GSE1: variants seen among roughly 807,000 people sequenced by gnomAD.
The protein encoded by GSE1 is Gse1 coiled-coil protein, also known as genetic suppressor element 1.
GSE1 carries 32 observed loss-of-function variants against 112.6 expected under a neutral mutation model. The observed-to-expected ratio is 0.28, with a 90% CI of 0.21 to 0.38. GSE1 has a LOEUF of 0.38. GSE1 is among the 10% of genes least tolerant of loss of function. The pLI, the probability that GSE1 is intolerant of heterozygous loss-of-function variation, is 1.00. For synonymous variants in GSE1, 1,115 were observed against 735.6 expected (o/e 1.52, Z -8.35); for missense variants, 2,348 against 1,699.2 (o/e 1.38, Z -6.71).
chr16:85,645,517 A>T lies in GSE1; in HGVS notation c.227-3035A>T, dbSNP rs532075117. ...GGGACAGGGCAGCTGCCCCACCCCA[A>T]GGGAGCACCTTTGGGAGAGCAAAGT... On this transcript the variant is annotated intron_variant, in intron 2 of 15. Transcript: ENST00000253458. Among the ~76,000 whole-genome samples, 313 of 152,294 alleles carry T rather than the reference A, an allele frequency of 2.1e-3. 1 individual carries two copies. The highest frequency in any genetic ancestry group is 7.2e-3 in the African/African-American group (301 of 41,570).
At chr16:85,191,095 C>G (rs1031883354) in intron 1 of GSE1, among the ~76,000 whole-genome samples, 13 of 152,294 alleles carry the variant, frequency 8.5e-5, no homozygotes, top group African/African-American at 3.1e-4. Flanking sequence ...CCTGTCTCTA[C>G]TAAAAATACA....
At chr16:85,380,516 C>CA (rs397803752) in intron 2 of GSE1, among the ~76,000 whole-genome samples, 1 of 151,908 alleles carries the variant, frequency 6.6e-6, no homozygotes, top group African/African-American at 2.4e-5. Context: ...GACACCCCCC[C>CA]TCCACCCGCC....
intron 2 of GSE1, among the ~76,000 whole-genome samples, chr16:85,393,096 C>T (rs1487917677): frequency 2.0e-5 from 3 of 152,340 alleles, no homozygotes; most frequent in African/African-American, 7.2e-5. Context: ...CAGGCAGCTG[C>T]CTCTTGGAGG....
At chr16:85,476,730 T>C (rs1851048816) in intron 2 of GSE1, among the ~76,000 whole-genome samples, 1 of 151,236 alleles carries the variant, frequency 6.6e-6, no homozygotes, top group African/African-American at 2.4e-5. Context: ...CACCGCAGCC[T>C]CCCCAGTAGC....
intron 2 of GSE1, among the ~76,000 whole-genome samples, chr16:85,410,471 ATAATGCTCACTGTTACACTCAGGGC>A (rs1467148042): frequency 1.1e-4 from 1 of 9,006 alleles, no homozygotes; most frequent in African/African-American, 3.3e-4. Flanking sequence ...GCCCCCCTGG[ATAATGCTCACTGTTACACTCAGGGC>A]CCCCCGGATA....
intron 1 of GSE1, among the ~76,000 whole-genome samples, chr16:85,205,471 A>G (rs2075099526): frequency 6.6e-6 from 1 of 152,178 alleles, no homozygotes; most frequent in Non-Finnish European, 1.5e-5. Flanking sequence ...AAGTGCAGAG[A>G]GGTTAGACCA....
chr16:85,628,772 A>ATT (rs2049285927), intron 1 of GSE1, among the ~76,000 whole-genome samples: 1 of 152,224 alleles, frequency 6.6e-6, no homozygotes, highest in Non-Finnish European at 1.5e-5. Flanking sequence ...AAAGTGAAAG[A>ATT]CATAGCTCTT....
intron 1 of GSE1, among the ~76,000 whole-genome samples, chr16:85,564,210 G>T (rs1480816846): frequency 2.0e-5 from 3 of 152,232 alleles, no homozygotes; most frequent in Non-Finnish European, 4.4e-5. Context: ...GGCACTAAAA[G>T]CAGGCTTTGG....
chr16:85,356,027 A>C (rs184676548), intron 1 of GSE1, among the ~76,000 whole-genome samples: 3 of 152,318 alleles, frequency 2.0e-5, no homozygotes, highest in African/African-American at 7.2e-5. Context: ...ACTCCATCTC[A>C]AAATAAAATA....
intron 2 of GSE1, among the ~76,000 whole-genome samples, chr16:85,476,774 ATT>A (rs549006723): frequency 7.8e-5 from 10 of 127,492 alleles, no homozygotes; most frequent in Admixed American, 7.8e-5. Context: ...ACGCCTGACC[ATT>A]TTTTTTTTTT....
intron 2 of GSE1, among the ~76,000 whole-genome samples, chr16:85,481,998 A>G (rs970169567): frequency 2.6e-5 from 4 of 152,226 alleles, no homozygotes; most frequent in Non-Finnish European, 4.4e-5. Flanking sequence ...CGCCGGGACT[A>G]CGCCCCTTGC....
At chr16:85,310,072 C>G (rs570202439) in intron 1 of GSE1, among the ~76,000 whole-genome samples, 1 of 152,328 alleles carries the variant, frequency 6.6e-6, no homozygotes, top group East Asian at 1.9e-4. Context: ...CAGGCATAAG[C>G]CACTTAGCAC....
At chr16:85,470,106 G>T (rs2050240580) in intron 2 of GSE1, among the ~76,000 whole-genome samples, 1 of 152,240 alleles carries the variant, frequency 6.6e-6, no homozygotes, top group African/African-American at 2.4e-5. Flanking sequence ...GGGTGCGGGA[G>T]CCCCCATCCA....
intron 2 of GSE1, among the ~76,000 whole-genome samples, chr16:85,495,695 CTGTGT>C (rs1344271598): frequency 2.0e-5 from 3 of 152,202 alleles, no homozygotes; most frequent in African/African-American, 7.2e-5. Flanking sequence ...TGGGGTTTCA[CTGTGT>C]TGGCCAGGCT....
intron 2 of GSE1, among the ~76,000 whole-genome samples, chr16:85,372,155 C>A (rs2047314832): frequency 6.6e-6 from 1 of 152,152 alleles, no homozygotes; most frequent in South Asian, 2.1e-4. Context: ...CCCGGACCCT[C>A]CACTCCCTGG....
At chr16:85,277,312 G>A (rs188777883) in intron 1 of GSE1, among the ~76,000 whole-genome samples, 4 of 152,284 alleles carry the variant, frequency 2.6e-5, no homozygotes, top group African/African-American at 7.2e-5. Flanking sequence ...TTGCATGTGA[G>A]AGTTGGGGTG....
chr16:85,411,439 T>G (rs768550373), intron 2 of GSE1, among the ~76,000 whole-genome samples: 5 of 890 alleles, frequency 5.6e-3, no homozygotes, highest in African/African-American at 7.7e-3. Context: ...TACACTCAGG[T>G]CCCCCCTGGA....
intron 1 of GSE1, among the ~76,000 whole-genome samples, chr16:85,201,697 C>T (rs941174127): frequency 4.6e-5 from 7 of 152,070 alleles, no homozygotes; most frequent in South Asian, 2.1e-4. Flanking sequence ...ATGGCTGGGC[C>T]GCTGACCACT....
At chr16:85,417,705 C>A (rs1208606952) in intron 2 of GSE1, among the ~76,000 whole-genome samples, 5 of 152,238 alleles carry the variant, frequency 3.3e-5, no homozygotes, top group Non-Finnish European at 7.3e-5. Flanking sequence ...AGGCTATTCC[C>A]AAGGCTAGAG....
Sources: gnomAD v4.1 joint callset for allele counts (sites outside exome capture counted in the v4.1 genomes callset) on GRCh38, gnomAD v4.1.1 for gene constraint, MANE v1.5 for transcripts, NCBI Gene and HGNC (gene_info 2026-07-23, HGNC 2026-07-21) for gene names.